NDUFA9: variants seen among roughly 807,000 people sequenced by gnomAD.
The protein encoded by NDUFA9 is NADH:ubiquinone oxidoreductase subunit A9.
NDUFA9 carries 23 observed loss-of-function variants against 45.9 expected under a neutral mutation model. The observed-to-expected ratio is 0.50, with a 90% CI of 0.36 to 0.71. The LOEUF (loss-of-function observed/expected upper bound fraction) is 0.71. Among genes scored for constraint, NDUFA9 ranks in the 30% least tolerant of loss-of-function variants. The probability of loss-of-function intolerance (pLI) is 0.00; values close to 1 mark genes in which losing one functional copy is unlikely to be tolerated. For synonymous variants in NDUFA9, 176 were observed against 170.5 expected (o/e 1.03, Z -0.25); for missense variants, 466 against 488.2 (o/e 0.95, Z 0.43).
chr12:4,653,777 A>G (rs1945773199), intron 1 of NDUFA9: 1 of 328,786 alleles, frequency 3.0e-6, no homozygotes, highest in African/African-American at 2.3e-5. Context: ...CTTATTTTTC[A>G]TTAGTCACCA....
At chr12:4,681,394 C>G (rs1945951210) in intron 8 of NDUFA9, among the ~76,000 whole-genome samples, 1 of 150,982 alleles carries the variant, frequency 6.6e-6, no homozygotes, top group South Asian at 2.1e-4. Context: ...GACAGGGACT[C>G]CAGGAGGAAA....
Position 4,693,280 on chromosome 12 carries a change from G to A in NDUFA9, c.*6172G>A, listed in dbSNP as rs955985217. On this transcript the variant is annotated 3_prime_UTR_variant, in exon 11 of 11. Transcript: ENST00000266544. ...TGAAAACTCCATCGGACCCCAAATT[G>A]TTCTGGTCTTGTTCAGGTAATAATT... 1.3e-5 allele frequency: 2 copies of A among 152,168 alleles called. No homozygotes were observed. Among genetic ancestry groups the A allele is most frequent in the Non-Finnish European group, 2.9e-5 (2 of 68,038 alleles). 9.4% of individuals were successfully genotyped at this position (152,168 alleles called of 1,614,324 possible).
Position 4,674,908 on chromosome 12 carries a change from A to G in NDUFA9, c.800+5091A>G, listed in dbSNP as rs190841675. The stretch of plus-strand genomic sequence containing the variant: ...CATTGCACTTCTTCTAAAATTGACC[A>G]CATAATTGAAAGTAAAACAGTTCTC... On this transcript the variant is annotated intron_variant, in intron 8 of 10. Coordinates refer to ENST00000266544, the MANE Select transcript of NDUFA9 (RefSeq NM_005002.5). 3.3e-5 allele frequency among the ~76,000 whole-genome samples: 5 copies of G among 152,348 alleles called. No homozygotes were observed. In the East Asian group the frequency reaches 7.7e-4, roughly 23 times the overall value.
chr12:4,659,773 C>G (rs964923865), intron 5 of NDUFA9, among the ~76,000 whole-genome samples: 1 of 152,112 alleles, frequency 6.6e-6, no homozygotes, highest in Non-Finnish European at 1.5e-5. Context: ...TGGCCGTGCG[C>G]TTAACATTTG....
chr12:4,683,308 C>G (rs1945965224), intron 9 of NDUFA9, among the ~76,000 whole-genome samples: 1 of 152,122 alleles, frequency 6.6e-6, no homozygotes, highest in South Asian at 2.1e-4. Context: ...TTGAACTTAC[C>G]ATGTCACACC....
intron 8 of NDUFA9, among the ~76,000 whole-genome samples, chr12:4,673,554 G>A (rs1050002441): frequency 2.6e-5 from 4 of 152,196 alleles, no homozygotes; most frequent in Non-Finnish European, 4.4e-5. Flanking sequence ...TAGCCGAATC[G>A]ATCAGGTGGA....
rs1439347748 is a variant in NDUFA9, at chr12:4,692,406, C to G, written c.*5298C>G. ...GCTCCCTTTTCACCTACTGCCATGA[C>G]TGGAAGCTTCCTGAAGCCTCCCCAG... On this transcript the variant is annotated 3_prime_UTR_variant, in exon 11 of 11. Transcript: ENST00000266544. 1.3e-5 allele frequency: 2 copies of G among 152,434 alleles called. No individual in the cohort carries two copies. The highest frequency in any genetic ancestry group is 2.9e-5 in the Non-Finnish European group (2 of 68,094). The allele number at this position is 152,434 out of a possible 1,614,324, so 9.4% of individuals were successfully genotyped here.
In NDUFA9 at chr12:4,693,319, A is replaced by G. The variant is rs1385379570; in HGVS notation, c.*6211A>G. The G allele has an allele frequency of 6.6e-6, 1 of 152,110 alleles. No individual in the cohort carries two copies. The highest frequency in any genetic ancestry group is 1.5e-5 in the Non-Finnish European group (1 of 68,040). The allele number at this position is 152,110 out of a possible 1,614,324, so 9.4% of individuals were successfully genotyped here. A position where few individuals can be genotyped will look rare whatever the true frequency, so the allele number is the denominator to read the frequency against. ...CAGGTAATAATTTTAATTCTATAAT[A>G]AAATCTCAAGTTATAATAGGCTCAA... is the stretch of plus-strand genomic sequence containing the variant. On this transcript the variant is annotated 3_prime_UTR_variant, in exon 11 of 11. Transcript: ENST00000266544.
In NDUFA9 at chr12:4,690,717, T is replaced by TAAC. The variant is rs767462587; in HGVS notation, c.*3611_*3612insCAA. On this transcript the variant is annotated 3_prime_UTR_variant, in exon 11 of 11. Transcript: ENST00000266544. ...AGAGGGAGACTCTGTCTAAAATAAA[T>TAAC]AATAATAATAATAATAATAAAGGTA... 1 of 150,602 alleles carries TAAC rather than the reference T, an allele frequency of 6.6e-6. No homozygotes were observed. Among genetic ancestry groups the TAAC allele is most frequent in the Non-Finnish European group, 1.5e-5 (1 of 67,720 alleles). 9.3% of individuals were successfully genotyped at this position (150,602 alleles called of 1,614,324 possible). A position where few individuals can be genotyped will look rare whatever the true frequency, so the allele number is the denominator to read the frequency against.
chr12:4,655,164 C>T (rs1945782622), intron 3 of NDUFA9: 2 of 419,552 alleles, frequency 4.8e-6, no homozygotes, highest in Admixed American at 4.1e-5. Context: ...CTTTGCAGGT[C>T]GTAGAGTCTT....
In NDUFA9 at chr12:4,669,794, T is replaced by C. The variant is rs2137475602; in HGVS notation, c.777T>C (p.Asn259=). 6.2e-7 allele frequency: 1 copy of C among 1,612,804 alleles called. No homozygotes were observed. Among genetic ancestry groups the C allele is most frequent in the South Asian group, 1.1e-5 (1 of 91,042 alleles). The change falls in exon 8 of 11, where the codon AAT becomes AAC. Residue 259 remains asparagine, a synonymous_variant. Transcript: ENST00000266544. ...ATGCAGTTAAGGATCCTGATGCCAA[T>C]GGGAAATCCTTTGCTTTCGTTGGGT... ...IVNAVKDPDA[N]GKSFAFVGPS...
At chr12:4,675,382 G>A (rs1035199772) in intron 8 of NDUFA9, among the ~76,000 whole-genome samples, 1 of 152,048 alleles carries the variant, frequency 6.6e-6, no homozygotes, top group African/African-American at 2.4e-5. Context: ...CCAGGAGCTG[G>A]TTTTTTTCAA....
Position 4,668,525 on chromosome 12 carries a change from G to A in NDUFA9, c.723+1G>A, listed in dbSNP as rs749007855. ...GAAGACAGTTAAACAACCAGTATAT[G>A]TAAGTACTTGGATGAAGGGGGTCAG... On this transcript the variant is annotated splice_donor_variant, in intron 7 of 10. Coordinates refer to ENST00000266544, the MANE Select transcript of NDUFA9 (RefSeq NM_005002.5). LOFTEE classifies it high-confidence loss of function. 1 of 1,608,876 alleles carries A rather than the reference G, an allele frequency of 6.2e-7. No individual in the cohort carries two copies. Among genetic ancestry groups the A allele is most frequent in the Non-Finnish European group, 8.5e-7 (1 of 1,175,226 alleles).
intron 8 of NDUFA9, among the ~76,000 whole-genome samples, chr12:4,675,319 A>G (rs4766270): frequency 0.47 from 70,926 of 151,944 alleles, 16,682 homozygotes; most frequent in South Asian, 0.63. Flanking sequence ...CTAAGATCAG[A>G]GCAGAACCGA....
intron 6 of NDUFA9, among the ~76,000 whole-genome samples, chr12:4,667,856 A>G (rs1190585823): frequency 6.6e-6 from 1 of 152,066 alleles, no homozygotes; most frequent in Non-Finnish European, 1.5e-5. Context: ...AAACAAACAA[A>G]CAAAACAAAA....
intron 1 of NDUFA9, among the ~76,000 whole-genome samples, chr12:4,651,364 C>T (rs185115878): frequency 2.0e-4 from 30 of 152,078 alleles, no homozygotes; most frequent in East Asian, 1.7e-3. Flanking sequence ...TTATTGAGCA[C>T]CTAGTATTTG....
At chr12:4,657,909 C>T (rs566079974) in intron 4 of NDUFA9, 70 bp downstream of exon 4, 144 of 1,181,094 alleles carry the variant, frequency 1.2e-4, no homozygotes, top group Non-Finnish European at 1.3e-4. Flanking sequence ...TCGCTGGGCA[C>T]CTTTTATGTG....
chr12:4,687,414 C>T lies in NDUFA9; in HGVS notation c.*306C>T. ...AGCATACGTTCTAGAAGACAAGGAC[C>T]CTTTTTAATGTCAAAGTATTGTAAA... On this transcript the variant is annotated 3_prime_UTR_variant, in exon 11 of 11. Transcript: ENST00000266544. 1 of 201,862 alleles carries T rather than the reference C, an allele frequency of 5.0e-6. No individual in the cohort carries two copies. The highest frequency in any genetic ancestry group is 9.9e-6 in the Non-Finnish European group (1 of 101,266). 12.5% of individuals were successfully genotyped at this position (201,862 alleles called of 1,614,324 possible).
chr12:4,666,342 T>C (rs1945853002), intron 6 of NDUFA9, among the ~76,000 whole-genome samples: 1 of 152,246 alleles, frequency 6.6e-6, no homozygotes. Flanking sequence ...AGTTTGTCTC[T>C]TCACTCTGTT....
Sources: allele counts gnomAD v4.1 joint callset (sites outside exome capture counted in the v4.1 genomes callset), GRCh38; gene constraint gnomAD v4.1.1; transcripts MANE v1.5; gene names NCBI Gene and HGNC (gene_info 2026-07-23, HGNC 2026-07-21).